The following PAK1 variants were observed in gnomAD, a reference collection of about 807,000 sequenced individuals.
PAK1 encodes the protein p21 (RAC1) activated kinase 1, also known as serine/threonine-protein kinase PAK 1.
PAK1 carries 29 observed loss-of-function variants against 67.4 expected under a neutral mutation model. The ratio of observed to expected loss-of-function variants is 0.43; its 90% confidence interval spans 0.32 to 0.59. The LOEUF (loss-of-function observed/expected upper bound fraction) is 0.59, where lower values mean the gene tolerates loss of function less well. Ranked by LOEUF, PAK1 falls within the 20% of genes least tolerant of loss-of-function variation. The probability of loss-of-function intolerance (pLI) is 0.07; values close to 1 mark genes in which losing one functional copy is unlikely to be tolerated. For synonymous variants in PAK1, 223 were observed against 237.4 expected (o/e 0.94, Z 0.56); for missense variants, 337 against 670.7 (o/e 0.50, Z 5.50).
chr11:77,368,260 T>A (rs1279031753), intron 5 of PAK1, among the ~76,000 whole-genome samples: 1 of 152,088 alleles, frequency 6.6e-6, no homozygotes, highest in African/African-American at 2.4e-5. Flanking sequence ...GAAGGATAAA[T>A]AAAATGGCTT....
chr11:77,510,500 A>C, the PAK1 span, among the ~76,000 whole-genome samples: 54 of 152,264 alleles, frequency 3.5e-4, 1 homozygote, highest in African/African-American at 1.3e-3. Context: ...AAGTGCTGAG[A>C]TTACAGGTGT....
intron 1 of PAK1, among the ~76,000 whole-genome samples, chr11:77,422,203 G>A (rs1955303037): frequency 6.6e-6 from 1 of 151,964 alleles, no homozygotes; most frequent in African/African-American, 2.4e-5. Flanking sequence ...TAAAACACAG[G>A]CACCAGCACA....
intron 1 of PAK1, among the ~76,000 whole-genome samples, chr11:77,456,434 G>T (rs1957079376): frequency 6.6e-6 from 1 of 152,078 alleles, no homozygotes; most frequent in Non-Finnish European, 1.5e-5. Flanking sequence ...TATTTATTAG[G>T]TATCTACTAT....
In PAK1 at chr11:77,349,232, T is replaced by C; in HGVS notation, c.885+7A>G. The C allele has an allele frequency of 3.2e-6, 5 of 1,584,680 alleles. No individual in the cohort carries two copies. Among genetic ancestry groups the C allele is most frequent in the Non-Finnish European group, 4.3e-6 (5 of 1,160,886 alleles). On this transcript the variant is annotated splice_region_variant and intron_variant, in intron 9 of 14. Coordinates refer to ENST00000356341, the MANE Select transcript of PAK1 (RefSeq NM_002576.5). ...TAAAGGAGCAACAGTGGGTGGTGGA[T>C]ACTCACCTCCTGTCCTGTGGCCACA...
intron 1 of PAK1, among the ~76,000 whole-genome samples, chr11:77,414,466 A>G (rs1014975192): frequency 2.0e-5 from 3 of 152,258 alleles, no homozygotes; most frequent in Non-Finnish European, 4.4e-5. Context: ...ATATTTTTAT[A>G]GATACAACTA....
chr11:77,455,561 T>G (rs1176672782), intron 1 of PAK1, among the ~76,000 whole-genome samples: 4 of 106,038 alleles, frequency 3.8e-5, no homozygotes, highest in African/African-American at 1.8e-4. Context: ...TTGGGGAGTT[T>G]GTTCCTGGAA....
At chr11:77,506,445 A>G in the PAK1 span, among the ~76,000 whole-genome samples, 1 of 152,212 alleles carries the variant, frequency 6.6e-6, no homozygotes, top group Admixed American at 6.5e-5. Context: ...CTGACAATTG[A>G]GGACATAAGG....
chr11:77,470,022 G>A (rs1367441580), intron 1 of PAK1, among the ~76,000 whole-genome samples: 1 of 152,116 alleles, frequency 6.6e-6, no homozygotes, highest in Non-Finnish European at 1.5e-5. Context: ...AAACTGTAGT[G>A]AGATGTATTC....
chr11:77,433,605 C>CTG (rs751599289), intron 1 of PAK1, among the ~76,000 whole-genome samples: 3 of 152,122 alleles, frequency 2.0e-5, no homozygotes, highest in Non-Finnish European at 4.4e-5. Context: ...CGGTGAAACC[C>CTG]TGTCTCTACT....
At chr11:77,449,251 G>C (rs1341862934) in intron 1 of PAK1, among the ~76,000 whole-genome samples, 1 of 152,108 alleles carries the variant, frequency 6.6e-6, no homozygotes, top group Non-Finnish European at 1.5e-5. Flanking sequence ...ACCTCAAAAG[G>C]GAACACTAGC....
At chr11:77,439,247 A>C (rs1320781983) in intron 1 of PAK1, among the ~76,000 whole-genome samples, 3 of 152,206 alleles carry the variant, frequency 2.0e-5, no homozygotes, top group Non-Finnish European at 4.4e-5. Flanking sequence ...GGAGCATGCT[A>C]TCTCTTCTAT....
the PAK1 span, among the ~76,000 whole-genome samples, chr11:77,507,429 T>G: frequency 6.6e-6 from 1 of 152,228 alleles, no homozygotes; most frequent in South Asian, 2.1e-4. Context: ...AAGAGCAACA[T>G]GCATGTTAAG....
rs1452797638 is a variant in PAK1, at chr11:77,473,743, G to T, written c.-213C>A. 6.6e-6 allele frequency: 1 copy of T among 151,682 alleles called. No homozygotes were observed. Among genetic ancestry groups the T allele is most frequent in the Non-Finnish European group, 1.5e-5 (1 of 67,886 alleles). The allele number at this position is 151,682 out of a possible 1,614,324, so 9.4% of individuals were successfully genotyped here. A position where few individuals can be genotyped will look rare whatever the true frequency, so the allele number is the denominator to read the frequency against. ...CTGCGAGGGAAGGGATGATGGGGGG[G>T]CGGGAGGGAGCGAGGCGACGCGGGC... On this transcript the variant is annotated 5_prime_UTR_variant, in exon 1 of 15. Transcript: ENST00000356341.
the PAK1 span, among the ~76,000 whole-genome samples, chr11:77,520,004 C>CA: frequency 6.6e-6 from 1 of 151,976 alleles, no homozygotes; most frequent in East Asian, 1.9e-4. Flanking sequence ...GGCCTGTGGC[C>CA]CCCCCCTCCG....
At chr11:77,501,150 C>CA in the PAK1 span, among the ~76,000 whole-genome samples, 450 of 105,408 alleles carry the variant, frequency 4.3e-3, 3 homozygotes, top group African/African-American at 0.012. Flanking sequence ...GACTCCGTCT[C>CA]AAAAAAAAAA....
intron 1 of PAK1, among the ~76,000 whole-genome samples, chr11:77,444,326 C>G (rs1416032884): frequency 6.7e-6 from 1 of 150,088 alleles, no homozygotes; most frequent in African/African-American, 2.5e-5. Flanking sequence ...GGGTCCCATA[C>G]CAACCACCAT....
At chr11:77,394,165 A>C (rs1257922987) in intron 1 of PAK1, among the ~76,000 whole-genome samples, 1 of 152,228 alleles carries the variant, frequency 6.6e-6, no homozygotes, top group Non-Finnish European at 1.5e-5. Context: ...GAAATTATAC[A>C]TTTAACCATG....
Position 77,322,287 on chromosome 11 carries a change from G to T in PAK1, c.*987C>A. On this transcript the variant is annotated 3_prime_UTR_variant, in exon 15 of 15. Coordinates refer to ENST00000356341, the MANE Select transcript of PAK1 (RefSeq NM_002576.5). ...TCACAGCTGGCAGGGTATCATGTCA[G>T]GCCACCAAATCCATCCAGAACTAAC... 1 of 196,412 alleles carries T rather than the reference G, an allele frequency of 5.1e-6. No individual in the cohort carries two copies. Among genetic ancestry groups the T allele is most frequent in the Non-Finnish European group, 1.1e-5 (1 of 94,508 alleles). 12.2% of individuals were successfully genotyped at this position (196,412 alleles called of 1,614,324 possible). A position where few individuals can be genotyped will look rare whatever the true frequency, so the allele number is the denominator to read the frequency against.
intron 1 of PAK1, among the ~76,000 whole-genome samples, chr11:77,447,794 G>A (rs1592511082): frequency 1.3e-5 from 2 of 152,178 alleles, no homozygotes; most frequent in East Asian, 1.9e-4. Context: ...CCAAAGTGCT[G>A]GGATTACAGG....
Sources: gnomAD v4.1 joint callset for allele counts (sites outside exome capture counted in the v4.1 genomes callset) on GRCh38, gnomAD v4.1.1 for gene constraint, MANE v1.5 for transcripts, NCBI Gene and HGNC (gene_info 2026-07-23, HGNC 2026-07-21) for gene names.